The following LRFN2 variants were observed in gnomAD, a reference collection of about 807,000 sequenced individuals.
The protein encoded by LRFN2 is leucine rich repeat and fibronectin type III domain containing 2.
A neutral mutation model predicts 37.3 loss-of-function variants in LRFN2; 18 were observed. The ratio of observed to expected loss-of-function variants is 0.48; its 90% CI spans 0.33 to 0.72. The LOEUF (loss-of-function observed/expected upper bound fraction) is 0.72. Ranked by LOEUF, LRFN2 falls within the 30% of genes least tolerant of loss-of-function variation. The pLI is 0.02. For missense variants in LRFN2, 1,006 were observed against 1,060.7 expected, an observed-to-expected ratio of 0.95 and a Z score of 0.72; for synonymous variants, 556 against 466.6, an observed-to-expected ratio of 1.19 and a Z score of -2.47.
At chr6:40,489,167 A>C (rs911567353) in intron 1 of LRFN2, among the ~76,000 whole-genome samples, 5 of 152,026 alleles carry the variant, frequency 3.3e-5, no homozygotes, top group Non-Finnish European at 5.9e-5. Context: ...CCTCCATCTC[A>C]CTGCCTTCTC....
At chr6:40,579,183 A>G (rs1354019657) in intron 1 of LRFN2, among the ~76,000 whole-genome samples, 1 of 152,184 alleles carries the variant, frequency 6.6e-6, no homozygotes, top group African/African-American at 2.4e-5. Context: ...CCTCTCCTCC[A>G]GGGCAATAGC....
intron 1 of LRFN2, among the ~76,000 whole-genome samples, chr6:40,584,160 G>A (rs945407679): frequency 6.6e-6 from 1 of 152,174 alleles, no homozygotes; most frequent in Non-Finnish European, 1.5e-5. Context: ...TGGACAGGGG[G>A]AAGTTGGCTG....
At chr6:40,492,366 C>A (rs1765113957) in intron 1 of LRFN2, among the ~76,000 whole-genome samples, 1 of 152,188 alleles carries the variant, frequency 6.6e-6, no homozygotes, top group South Asian at 2.1e-4. Context: ...CCCCTGCTCC[C>A]CTGTCCTGGC....
chr6:40,561,502 A>C (rs914654994), intron 1 of LRFN2, among the ~76,000 whole-genome samples: 1 of 152,174 alleles, frequency 6.6e-6, no homozygotes, highest in African/African-American at 2.4e-5. Flanking sequence ...CCTACTGGGC[A>C]AACAAGCAGG....
At chr6:40,529,773 G>C (rs1002467306) in intron 1 of LRFN2, among the ~76,000 whole-genome samples, 2 of 152,180 alleles carry the variant, frequency 1.3e-5, no homozygotes, top group African/African-American at 4.8e-5. Context: ...CATTAAGTAG[G>C]AGTCATAATT....
intron 1 of LRFN2, among the ~76,000 whole-genome samples, chr6:40,512,152 C>T (rs941720436): frequency 1.3e-5 from 2 of 152,212 alleles, no homozygotes; most frequent in Admixed American, 1.3e-4. Context: ...TTAAGGAGAA[C>T]TGACGTGTCC....
At chr6:40,584,655 A>G (rs990751598) in intron 1 of LRFN2, among the ~76,000 whole-genome samples, 1 of 152,144 alleles carries the variant, frequency 6.6e-6, no homozygotes, top group Non-Finnish European at 1.5e-5. Flanking sequence ...GAAAACAATT[A>G]ATTCCAATTT....
chr6:40,468,073 C>T (rs1482940595), intron 1 of LRFN2, among the ~76,000 whole-genome samples: 2 of 152,098 alleles, frequency 1.3e-5, no homozygotes, highest in Non-Finnish European at 2.9e-5. Flanking sequence ...CGGGGGTTCC[C>T]AAAACTCTTC....
intron 1 of LRFN2, among the ~76,000 whole-genome samples, chr6:40,544,006 G>T (rs1304277373): frequency 3.9e-5 from 6 of 152,226 alleles, no homozygotes; most frequent in Admixed American, 2.0e-4. Flanking sequence ...CCAGGGACTG[G>T]CATGTCTGGC....
chr6:40,467,245 C>A (rs536593676), intron 1 of LRFN2, among the ~76,000 whole-genome samples: 2 of 151,932 alleles, frequency 1.3e-5, no homozygotes, highest in African/African-American at 4.8e-5. Flanking sequence ...GCCCTTTCCC[C>A]CTCCCATTAG....
chr6:40,563,282 C>T (rs189446564), intron 1 of LRFN2, among the ~76,000 whole-genome samples: 62 of 152,270 alleles, frequency 4.1e-4, no homozygotes, highest in African/African-American at 1.4e-3. Context: ...TCTCTCTCTC[C>T]TGCCTAGACT....
chr6:40,498,083 C>A (rs890778507), intron 1 of LRFN2, among the ~76,000 whole-genome samples: 63 of 152,192 alleles, frequency 4.1e-4, no homozygotes, highest in African/African-American at 1.5e-3. Context: ...AAGGTCTCGG[C>A]TGTCTGGAGG....
intron 1 of LRFN2, among the ~76,000 whole-genome samples, chr6:40,442,138 C>A (rs1244317804): frequency 6.6e-6 from 1 of 152,190 alleles, no homozygotes; most frequent in Non-Finnish European, 1.5e-5. Flanking sequence ...AAAGGCCTCA[C>A]CCTTTCCCTA....
intron 1 of LRFN2, among the ~76,000 whole-genome samples, chr6:40,442,337 T>C (rs143904477): frequency 1.4e-4 from 22 of 152,310 alleles, no homozygotes; most frequent in African/African-American, 5.3e-4. Flanking sequence ...TAGGCTTTTC[T>C]TTTTCAACCT....
intron 1 of LRFN2, among the ~76,000 whole-genome samples, chr6:40,562,057 T>C (rs976177305): frequency 3.9e-5 from 6 of 152,208 alleles, no homozygotes; most frequent in African/African-American, 1.2e-4. Flanking sequence ...TTAGAGAGCA[T>C]AGAATCTGTT....
intron 1 of LRFN2, among the ~76,000 whole-genome samples, chr6:40,572,964 A>G (rs1403797545): frequency 6.6e-6 from 1 of 152,220 alleles, no homozygotes; most frequent in Non-Finnish European, 1.5e-5. Flanking sequence ...ATGTCCTGCC[A>G]AACCTGCTGC....
intron 2 of LRFN2, among the ~76,000 whole-genome samples, chr6:40,422,779 C>T (rs966767511): frequency 4.6e-5 from 7 of 152,164 alleles, no homozygotes. Context: ...TAAACGATAT[C>T]CTCACTCCCA....
At chr6:40,488,611 C>T (rs982315074) in intron 1 of LRFN2, among the ~76,000 whole-genome samples, 1 of 152,210 alleles carries the variant, frequency 6.6e-6, no homozygotes, top group Non-Finnish European at 1.5e-5. Context: ...ATCAAGCCTT[C>T]TGTGGCCCAT....
intron 1 of LRFN2, among the ~76,000 whole-genome samples, chr6:40,519,021 C>G (rs969335208): frequency 2.0e-5 from 3 of 152,096 alleles, no homozygotes; most frequent in African/African-American, 7.2e-5. Context: ...CTGAGCATGA[C>G]CAGGGCAAAC....
Sources: allele counts gnomAD v4.1 joint callset (sites outside exome capture counted in the v4.1 genomes callset), GRCh38; gene constraint gnomAD v4.1.1; transcripts MANE v1.5; gene names NCBI Gene and HGNC (gene_info 2026-07-23, HGNC 2026-07-21).